The following TCEA1 variants were observed in gnomAD, a reference collection of about 807,000 sequenced individuals.
TCEA1 encodes the protein transcription elongation factor A1, also known as transcription elongation factor A protein 1.
Under a neutral mutation model 43.8 loss-of-function variants are expected in TCEA1, and 21 were observed. The observed-to-expected ratio is 0.48, with a 90% CI of 0.34 to 0.69. The LOEUF is 0.69. Among genes scored for constraint, TCEA1 ranks in the 30% least tolerant of loss-of-function variants. TCEA1 has a pLI of 0.01. For missense variants in TCEA1, 250 were observed against 365.1 expected, an observed-to-expected ratio of 0.68 and a Z score of 2.57; for synonymous variants, 104 against 117.5, an observed-to-expected ratio of 0.88 and a Z score of 0.75.
At chr8:54,006,723 G>C (rs73679590) in intron 2 of TCEA1, among the ~76,000 whole-genome samples, 2 of 152,352 alleles carry the variant, frequency 1.3e-5, no homozygotes, top group South Asian at 4.1e-4. Flanking sequence ...TATTCTTAGA[G>C]TTGACTTGCA....
chr8:54,019,980 C>A (rs1804971056), intron 1 of TCEA1, among the ~76,000 whole-genome samples: 2 of 152,162 alleles, frequency 1.3e-5, no homozygotes, highest in East Asian at 3.8e-4. Context: ...GGAGTTTATT[C>A]TCATTCTCTT....
chr8:53,973,800 A>C (rs929243164), intron 8 of TCEA1: 18 of 423,810 alleles, frequency 4.2e-5, no homozygotes, highest in African/African-American at 3.8e-4. Context: ...CAATTTCAAG[A>C]AAACAAAAGC....
At chr8:53,995,080 C>T (rs1207329499) in intron 3 of TCEA1, among the ~76,000 whole-genome samples, 5 of 152,066 alleles carry the variant, frequency 3.3e-5, no homozygotes, top group East Asian at 1.9e-4. Context: ...GCAGGTGGAT[C>T]ACTTGAGGTC....
chr8:53,999,870 A>G, intron 3 of TCEA1, 75 bp downstream of exon 3: 3 of 1,036,622 alleles, frequency 2.9e-6, no homozygotes, highest in Non-Finnish European at 4.4e-6. Flanking sequence ...CCATTAACTA[A>G]CCATAAAATG....
chr8:54,019,013 A>AT (rs1368993207), intron 1 of TCEA1, among the ~76,000 whole-genome samples: 2 of 152,140 alleles, frequency 1.3e-5, no homozygotes, highest in East Asian at 3.9e-4. Flanking sequence ...TAGCATCCTC[A>AT]TTTTCAGAAT....
chr8:53,999,113 A>G (rs1043391553), intron 3 of TCEA1, among the ~76,000 whole-genome samples: 1 of 151,286 alleles, frequency 6.6e-6, no homozygotes, highest in African/African-American at 2.4e-5. Context: ...CTGTAGTCCC[A>G]GCTACTCGGG....
intron 8 of TCEA1, chr8:53,972,587 A>G: frequency 1.8e-6 from 1 of 562,170 alleles, no homozygotes; most frequent in Non-Finnish European, 3.5e-6. Context: ...AACCTAAAGG[A>G]GGTGTTATAT....
intron 4 of TCEA1, among the ~76,000 whole-genome samples, chr8:53,991,208 C>G (rs1219310967): frequency 6.7e-6 from 1 of 149,930 alleles, no homozygotes; most frequent in Non-Finnish European, 1.5e-5. Context: ...GCCTGGTCAA[C>G]ATGATGAAAC....
intron 2 of TCEA1, among the ~76,000 whole-genome samples, chr8:54,004,665 G>A (rs1260919120): frequency 6.6e-6 from 1 of 151,978 alleles, no homozygotes; most frequent in Non-Finnish European, 1.5e-5. Context: ...TTGGGGTGAT[G>A]AAAATGTTCT....
At chr8:54,002,540 T>C (rs1395267294) in intron 2 of TCEA1, among the ~76,000 whole-genome samples, 1 of 151,096 alleles carries the variant, frequency 6.6e-6, no homozygotes, top group African/African-American at 2.4e-5. Context: ...AATAAGTTTT[T>C]CTTTTTTCCT....
intron 8 of TCEA1, 60 bp from the exon 9 acceptor site, chr8:53,970,523 T>C (rs1803125236): frequency 2.4e-6 from 2 of 827,652 alleles, no homozygotes; most frequent in Non-Finnish European, 3.9e-6. Flanking sequence ...CCAACCCAAA[T>C]AATGTTATAC....
chr8:53,999,150 A>G (rs958289391), intron 3 of TCEA1, among the ~76,000 whole-genome samples: 13 of 147,886 alleles, frequency 8.8e-5, no homozygotes, highest in South Asian at 8.7e-4. Flanking sequence ...GCATGAACCC[A>G]GGAGGCGGAG....
intron 1 of TCEA1, among the ~76,000 whole-genome samples, chr8:54,014,716 C>G (rs955855336): frequency 4.6e-5 from 7 of 152,262 alleles, no homozygotes; most frequent in African/African-American, 1.7e-4. Flanking sequence ...TACGAACATC[C>G]CTCTCCTCAA....
intron 8 of TCEA1, among the ~76,000 whole-genome samples, chr8:53,976,829 C>A (rs1174241980): frequency 6.6e-6 from 1 of 152,076 alleles, no homozygotes; most frequent in Non-Finnish European, 1.5e-5. Flanking sequence ...AGTGTTGATG[C>A]ATTTTAGTAA....
chr8:54,021,962 G>A, intron 1 of TCEA1, 101 bp downstream of exon 1: 1 of 1,195,508 alleles, frequency 8.4e-7, no homozygotes. Context: ...CCAGACGGGA[G>A]GCTGCAGGGG....
At chr8:53,972,614 T>A in intron 8 of TCEA1, 1 of 586,412 alleles carries the variant, frequency 1.7e-6, no homozygotes, top group Non-Finnish European at 3.3e-6. Flanking sequence ...TAAAAATATA[T>A]TCTTCAGAGT....
At chr8:54,021,885 G>A in intron 1 of TCEA1, 178 bp downstream of exon 1, 1 of 456,850 alleles carries the variant, frequency 2.2e-6, no homozygotes, top group Non-Finnish European at 3.7e-6. Flanking sequence ...AACGCAGGTT[G>A]CCGCGGGACC....
chr8:53,986,941 C>A (rs1425953310), intron 6 of TCEA1, 28 bp downstream of exon 6: 11 of 1,518,338 alleles, frequency 7.2e-6, no homozygotes, highest in Admixed American at 2.2e-5. Context: ...TTAAAAAAAA[C>A]AATTATGAAT....
At chr8:53,987,288 T>A (rs1224697967) in intron 5 of TCEA1, among the ~76,000 whole-genome samples, 2 of 152,198 alleles carry the variant, frequency 1.3e-5, no homozygotes, top group African/African-American at 2.4e-5. Context: ...AGGCAATTCA[T>A]TTTTCGTAAC....
Sources: allele counts gnomAD v4.1 joint callset (sites outside exome capture counted in the v4.1 genomes callset), GRCh38; gene constraint gnomAD v4.1.1; transcripts MANE v1.5; gene names NCBI Gene and HGNC (gene_info 2026-07-23, HGNC 2026-07-21).